PLEKHA4: variants seen among roughly 807,000 people sequenced by gnomAD.
PLEKHA4 encodes pleckstrin homology domain-containing family A member 4.
PLEKHA4 carries 73 observed loss-of-function variants against 94.7 expected under a neutral mutation model. The observed-to-expected ratio is 0.77, with a 90% CI of 0.64 to 0.94. PLEKHA4 has a LOEUF of 0.94. Ranked by LOEUF, PLEKHA4 falls within the 40% of genes least tolerant of loss-of-function variation. The pLI is 0.00. For missense variants in PLEKHA4, 1,049 were observed against 1,054.1 expected (o/e 1.00, Z 0.07); for synonymous variants, 449 against 437.1 (o/e 1.03, Z -0.34).
Position 48,867,762 on chromosome 19 carries a change from CATGGCCCGTGACCACATACCAAGA to C in PLEKHA4, c.-6-160_-6-137del. ...CGGGACTTGGGGGGCTGGGGGAGGC[CATGGCCCGTGACCACATACCAAGA>C]GTGGTGCCAAGAGAGGTAGGCGGCC... On this transcript the variant is annotated intron_variant, in intron 1 of 19. Coordinates refer to ENST00000263265, the MANE Select transcript of PLEKHA4 (RefSeq NM_020904.3). The surrounding 1 kb of genome is among the most constrained non-coding windows in gnomAD (Gnocchi z 4.7). 1.2e-6 allele frequency: 1 copy of C among 820,638 alleles called. No individual in the cohort carries two copies. Among genetic ancestry groups the C allele is most frequent in the Non-Finnish European group, 1.9e-6 (1 of 517,452 alleles). 50.8% of individuals were successfully genotyped at this position (820,638 alleles called of 1,614,324 possible).
At chr19:48,865,641 G>A (rs2036805631) in intron 2 of PLEKHA4, 31 bp from the exon 3 acceptor site, 1 of 1,498,982 alleles carries the variant, frequency 6.7e-7, no homozygotes, top group African/African-American at 1.4e-5. Flanking sequence ...AAGTGAACAG[G>A]GAGAGCCTAG....
rs1377990988 is a variant in PLEKHA4 at position 48,859,576 on chromosome 19, C to T, written c.585G>A (p.Pro195=). 1.2e-6 allele frequency: 2 copies of T among 1,613,842 alleles called. No homozygotes were observed. The highest frequency in any genetic ancestry group is 1.7e-6 in the Non-Finnish European group (2 of 1,180,024). Reference sequence around the variant, plus strand: ...GACCTCTGGAGAGTCGAGTCACTTCCGGTGATTCTGAGATGCGCCCCTCTT... The same window carrying T: ...GACCTCTGGAGAGTCGAGTCACTTCTGGTGATTCTGAGATGCGCCCCTCTT... The part of the protein sequence containing the change: ...RGEEGRISES[P]EVTRLSRGRG... The change falls in exon 7 of 20, where the codon CCG becomes CCA. Residue 195 remains proline, a synonymous_variant. Transcript: ENST00000263265.
chr19:48,865,352 TAAATAAAC>T (rs796984009), intron 3 of PLEKHA4, 143 bp downstream of exon 3: 6 of 608,748 alleles, frequency 9.9e-6, no homozygotes, highest in African/African-American at 7.5e-5. Context: ...TAAAAATAAA[TAAATAAAC>T]AAACAAACAA....
chr19:48,866,615 T>C (rs545834107), intron 2 of PLEKHA4, among the ~76,000 whole-genome samples: 2 of 152,200 alleles, frequency 1.3e-5, no homozygotes, highest in South Asian at 4.1e-4. Flanking sequence ...CCGAGACTCT[T>C]TTTTTGATGG....
At chr19:48,859,240 T>C in intron 7 of PLEKHA4, 101 bp from the exon 8 acceptor site, 1 of 1,000,712 alleles carries the variant, frequency 1.0e-6, no homozygotes, top group South Asian at 1.4e-5. Context: ...CACTTCACTG[T>C]GTCTTACTGT....
intron 9 of PLEKHA4, 103 bp from the exon 10 acceptor site, chr19:48,854,367 T>C: frequency 1.2e-6 from 1 of 844,038 alleles, no homozygotes; most frequent in Non-Finnish European, 1.9e-6. Context: ...TACTGCACTA[T>C]TTATTTATTT....
Position 48,845,446 on chromosome 19 carries a change from C to T in PLEKHA4, c.1667G>A (p.Gly556Asp). 2 of 1,613,998 alleles carry T rather than the reference C, an allele frequency of 1.2e-6. No homozygotes were observed. The highest frequency in any genetic ancestry group is 1.7e-6 in the Non-Finnish European group (2 of 1,180,004). The change falls in exon 16 of 20, where the codon GGT becomes GAT. Residue 556 changes from glycine (G) to aspartate (D), a missense_variant and splice_region_variant. Coordinates refer to ENST00000263265, the MANE Select transcript of PLEKHA4 (RefSeq NM_020904.3). ...CCGGGAGACCCTCGGAGACCCAAGACCTGGAAAGACAGAACGGGACTTGGT... is the reference window on the plus strand; with the variant it reads ...CCGGGAGACCCTCGGAGACCCAAGATCTGGAAAGACAGAACGGGACTTGGT... ...GDKDLASPHL[G>D]LGSPRVSRAS...
chr19:48,845,533 G>A lies in PLEKHA4; in HGVS notation c.1650C>T (p.Leu550=), dbSNP rs758048584. The change falls in exon 15 of 20, where the codon CTC becomes CTT. Residue 550 remains leucine (L), a synonymous_variant. Transcript: ENST00000263265. ...GATGCTCACCTAAGTGAGGGCTGGCGAGGTCTTTGTCGCCTCCAGGAGGCC... is the reference window on the plus strand; with the variant it reads ...GATGCTCACCTAAGTGAGGGCTGGCAAGGTCTTTGTCGCCTCCAGGAGGCC... The part of the protein sequence containing the change: ...WGRPPGGDKD[L]ASPHLGLGSP... 2.5e-6 allele frequency: 4 copies of A among 1,612,166 alleles called. No individual in the cohort carries two copies. Among genetic ancestry groups the A allele is most frequent in the East Asian group, 2.2e-5 (1 of 44,812 alleles).
chr19:48,843,396 G>A (rs1216753006), intron 16 of PLEKHA4, among the ~76,000 whole-genome samples: 1 of 151,972 alleles, frequency 6.6e-6, no homozygotes, highest in African/African-American at 2.4e-5. Flanking sequence ...GGTCAGGCTG[G>A]TTTCGAACTC....
At position 48,858,846 on chromosome 19, in the gene PLEKHA4, AC is replaced by A; in HGVS notation, c.972+13del. 6.2e-7 allele frequency: 1 copy of A among 1,612,054 alleles called. No individual in the cohort carries two copies. Among genetic ancestry groups the A allele is most frequent in the Middle Eastern group, 1.7e-4 (1 of 6,054 alleles). On this transcript the variant is annotated intron_variant, in intron 8 of 19. Transcript: ENST00000263265. ...TGGGAAACGTAGTCCCCTCCTTCTC[AC>A]CTCTCTGCTCACCTGTGTTCTGGGC...
chr19:48,867,408 A>AC lies in PLEKHA4; in HGVS notation c.84+128dup. On this transcript the variant is annotated intron_variant, in intron 2 of 19. Transcript: ENST00000263265. The surrounding 1 kb of genome is among the most constrained non-coding windows in gnomAD (Gnocchi z 4.7). ...AGCTGCGGTGTGTAGGCAATTTGGG[A>AC]CCTTACTATGTCTGGCAGACCCCGT... The AC allele has an allele frequency of 9.5e-7, 1 of 1,049,484 alleles. No individual in the cohort carries two copies. The highest frequency in any genetic ancestry group is 1.4e-6 in the Non-Finnish European group (1 of 728,774). The allele number at this position is 1,049,484 out of a possible 1,614,324, so 65.0% of individuals were successfully genotyped here.
rs754939363 is a variant in PLEKHA4, at chr19:48,861,487, T to G, written c.280A>C (p.Ser94Arg). The part of the protein sequence containing the change: ...LFYYKDSREE[S>R]VLGSVLLPSY... ...GGGAGCAGGACGCTGCCTAGGACACTCTCCTCGCGGCTGTCTGCAAAGAGG... is the reference window on the plus strand; with the variant it reads ...GGGAGCAGGACGCTGCCTAGGACACGCTCCTCGCGGCTGTCTGCAAAGAGG... The change falls in exon 5 of 20, where the codon AGT becomes CGT. Residue 94 changes from serine to arginine, a missense_variant. Transcript: ENST00000263265. 6.2e-7 allele frequency: 1 copy of G among 1,613,986 alleles called. No homozygotes were observed. Among genetic ancestry groups the G allele is most frequent in the South Asian group, 1.1e-5 (1 of 91,084 alleles).
intron 9 of PLEKHA4, 145 bp from the exon 10 acceptor site, chr19:48,854,409 C>A: frequency 1.3e-6 from 1 of 747,360 alleles, no homozygotes; most frequent in East Asian, 2.7e-5. Flanking sequence ...TGCTCTGTCA[C>A]CCAAGCTGGT....
At chr19:48,859,904 G>T in intron 6 of PLEKHA4, 1 of 602,280 alleles carries the variant, frequency 1.7e-6, no homozygotes, top group Non-Finnish European at 2.9e-6. Context: ...CCAATGCCCC[G>T]GAATATGGGA....
At chr19:48,865,395 C>T in intron 3 of PLEKHA4, 108 bp downstream of exon 3, 1 of 683,518 alleles carries the variant, frequency 1.5e-6, no homozygotes, top group Non-Finnish European at 2.6e-6. Flanking sequence ...AGGGGAGGGG[C>T]AGTGATAGCA....
Position 48,867,454 on chromosome 19 carries a change from A to G in PLEKHA4, c.84+83T>C. On this transcript the variant is annotated intron_variant, in intron 2 of 19. Coordinates refer to ENST00000263265, the MANE Select transcript of PLEKHA4 (RefSeq NM_020904.3). This position sits in a 1 kb window ranked among gnomAD's most constrained non-coding sequence, Gnocchi z 4.7. Reference sequence around the variant, plus strand: ...CCCGTTGCTAAGGATCTTTGTCCTTAACAACCAGAGTCCTTGGGGAAACAG... The same window carrying G: ...CCCGTTGCTAAGGATCTTTGTCCTTGACAACCAGAGTCCTTGGGGAAACAG... 2 of 1,469,686 alleles carry G rather than the reference A, an allele frequency of 1.4e-6. No homozygotes were observed. The highest frequency in any genetic ancestry group is 1.8e-6 in the Non-Finnish European group (2 of 1,082,976). 91.0% of individuals were successfully genotyped at this position (1,469,686 alleles called of 1,614,324 possible). A position where few individuals can be genotyped will look rare whatever the true frequency, so the allele number is the denominator to read the frequency against.
At chr19:48,841,742 G>A (rs1261731227) in intron 16 of PLEKHA4, among the ~76,000 whole-genome samples, 1 of 151,922 alleles carries the variant, frequency 6.6e-6, no homozygotes, top group Non-Finnish European at 1.5e-5. Flanking sequence ...ATCACTTGCG[G>A]CCAAGAGTTT....
intron 13 of PLEKHA4, among the ~76,000 whole-genome samples, chr19:48,849,884 G>A (rs1265957366): frequency 6.6e-6 from 1 of 152,206 alleles, no homozygotes; most frequent in Non-Finnish European, 1.5e-5. Context: ...AGAACCAGGG[G>A]AGAGAGCAGC....
At position 48,841,305 on chromosome 19, in the gene PLEKHA4, CG is replaced by C. The variant is rs747990983; in HGVS notation, c.1748del (p.Pro583ArgfsTer7). 2 of 1,608,482 alleles carry C rather than the reference CG, an allele frequency of 1.2e-6. No individual in the cohort carries two copies. Among genetic ancestry groups the C allele is most frequent in the Admixed American group, 3.4e-5 (2 of 59,676 alleles). ...GGGCACTCATCCGGGGCCGGGCCAC[CG>C]GGGCCTAGGGAGGCGAGAAACGTCC... ...LPSPQLGTKA[P>X]VARPRMSAQE... is the part of the protein sequence containing the mutation. On this transcript the variant is annotated frameshift_variant, in exon 17 of 20. Transcript: ENST00000263265. LOFTEE classifies it high-confidence loss of function.
Sources: gnomAD v4.1 joint callset for allele counts (sites outside exome capture counted in the v4.1 genomes callset) on GRCh38, gnomAD v4.1.1 for gene constraint, Gnocchi (gnomAD v3.1) non-coding constraint, MANE v1.5 for transcripts, NCBI Gene and HGNC (gene_info 2026-07-23, HGNC 2026-07-21) for gene names.